Variants in FAM228B observed in about 807,000 individuals in gnomAD.
The protein encoded by FAM228B is family with sequence similarity 228 member B, also known as protein FAM228B.
A neutral mutation model predicts 42.6 loss-of-function variants in FAM228B; 38 were observed. That is an observed-to-expected ratio of 0.89 (90% confidence interval 0.69 to 1.17). The LOEUF (loss-of-function observed/expected upper bound fraction) is 1.17. Ranked by LOEUF, FAM228B falls within the 50% of genes most tolerant of loss-of-function variation. The pLI is 0.00. For synonymous variants in FAM228B, 109 were observed against 122.3 expected, an observed-to-expected ratio of 0.89 and a Z score of 0.72; for missense variants, 344 against 367.3, an observed-to-expected ratio of 0.94 and a Z score of 0.52.
intron 5 of FAM228B, 103 bp downstream of exon 5, chr2:24,139,553 A>T: frequency 1.8e-6 from 1 of 558,860 alleles, no homozygotes; most frequent in Middle Eastern, 2.8e-4. Context: ...AAAGTGCAGT[A>T]ACATTTTAAG....
intron 3 of FAM228B, 134 bp from the exon 4 acceptor site, chr2:24,137,775 A>T: frequency 1.6e-6 from 1 of 612,142 alleles, no homozygotes; most frequent in South Asian, 2.3e-5. Flanking sequence ...AGCCAAAGAA[A>T]CGATTGAATT....
In FAM228B at chr2:24,078,217, C is replaced by G. The variant is rs148806187; in HGVS notation, c.-290+1248C>G. ...CCCCATATATCTCCTAGTGACTTCC[C>G]TAGAAATTTACTATCCCTAGCCAGA... On this transcript the variant is annotated intron_variant, in intron 1 of 10. Coordinates refer to the FAM228B transcript ENST00000613899. Among the ~76,000 whole-genome samples the G allele has an allele frequency of 6.9e-3, 1,047 of 152,236 alleles. 13 individuals are homozygous for G. The highest frequency in any genetic ancestry group is 0.024 in the African/African-American group (1,007 of 41,536).
chr2:24,156,336 T>C (rs970302228), intron 7 of FAM228B, among the ~76,000 whole-genome samples: 1 of 152,102 alleles, frequency 6.6e-6, no homozygotes, highest in Non-Finnish European at 1.5e-5. Flanking sequence ...AATCTCCTTC[T>C]AATTTGCCCC....
chr2:24,122,469 G>A (rs1208853872), upstream of FAM228B: 1 of 1,614,152 alleles, frequency 6.2e-7, no homozygotes, highest in East Asian at 2.2e-5. Flanking sequence ...ATTTTGATGA[G>A]GGCTGCACTG....
rs1446590190 is a variant in FAM228B at position 24,140,569 on chromosome 2, CTAAG to C, written c.441+1124_441+1127del. ...ATTGCATCACAAACACCAGTTTTTT[CTAAG>C]TAAGAAACCTAAAATCTTCTCTCTC... is the stretch of plus-strand genomic sequence containing the variant. On this transcript the variant is annotated intron_variant, in intron 5 of 10. Transcript: ENST00000615575. Among the ~76,000 whole-genome samples, 7 of 152,234 alleles carry C rather than the reference CTAAG, an allele frequency of 4.6e-5. No individual in the cohort carries two copies. In the South Asian group the frequency reaches 6.2e-4, roughly 14 times the overall value.
chr2:24,105,040 T>A (rs1486213696), intron 3 of FAM228B, among the ~76,000 whole-genome samples: 2 of 152,252 alleles, frequency 1.3e-5, no homozygotes, highest in Non-Finnish European at 2.9e-5. Context: ...CGCAGCCTCC[T>A]GTTGCACTGG....
At chr2:24,132,701 A>G (rs1400373521) in intron 2 of FAM228B, among the ~76,000 whole-genome samples, 1 of 151,754 alleles carries the variant, frequency 6.6e-6, no homozygotes, top group Non-Finnish European at 1.5e-5. Context: ...GTTTCTTTAT[A>G]TATCTAGTAA....
At chr2:24,124,490 A>T in intron 2 of FAM228B, 30 bp downstream of exon 2, 1 of 1,422,262 alleles carries the variant, frequency 7.0e-7, no homozygotes, top group South Asian at 1.3e-5. Flanking sequence ...GGATTTGGAG[A>T]TTTTTTTACT....
chr2:24,110,574 G>A (rs946681121), intron 3 of FAM228B, among the ~76,000 whole-genome samples: 1 of 152,228 alleles, frequency 6.6e-6, no homozygotes, highest in Non-Finnish European at 1.5e-5. Context: ...CTTCTGGGCT[G>A]GCGAACACCT....
chr2:24,169,379 A>G lies in FAM228B; in HGVS notation c.*38A>G. The stretch of plus-strand genomic sequence containing the variant: ...AGGTTTCAGCAACCAAGGAGCACAC[A>G]CCCTGATCCTTGATTGGTGAAAGGA... On this transcript the variant is annotated 3_prime_UTR_variant, in exon 11 of 11. Transcript: ENST00000615575. The surrounding 1 kb of genome is among the most constrained non-coding windows in gnomAD (Gnocchi z 4.2). The G allele has an allele frequency of 2.1e-6, 1 of 467,110 alleles. No individual in the cohort carries two copies. The highest frequency in any genetic ancestry group is 1.6e-5 in the South Asian group (1 of 64,228). 28.9% of individuals were successfully genotyped at this position (467,110 alleles called of 1,614,324 possible). A position where few individuals can be genotyped will look rare whatever the true frequency, so the allele number is the denominator to read the frequency against.
intron 4 of FAM228B, 46 bp from the exon 5 acceptor site, chr2:24,139,324 C>A: frequency 8.6e-7 from 1 of 1,158,328 alleles, no homozygotes; most frequent in Non-Finnish European, 1.2e-6. Flanking sequence ...TCAAAATTAA[C>A]TGTGCACCTC....
At chr2:24,131,939 C>A (rs1454479779) in intron 2 of FAM228B, among the ~76,000 whole-genome samples, 2 of 152,092 alleles carry the variant, frequency 1.3e-5, no homozygotes, top group East Asian at 3.9e-4. Flanking sequence ...CAGCTTTTGC[C>A]CATTCAGTAT....
rs1667336610 is a variant in FAM228B, at chr2:24,163,819, G to A, written c.795-379G>A. Among the ~76,000 whole-genome samples, 3 of 152,290 alleles carry A rather than the reference G, an allele frequency of 2.0e-5. No individual in the cohort carries two copies. The South Asian group carries it at 6.2e-4, about 32-fold the overall frequency. ...TCTAGGCTCACTCTAGAAGAAAGAG[G>A]AAGACTGGATTCTCTTCCATGAATA... On this transcript the variant is annotated intron_variant, in intron 8 of 10. Transcript: ENST00000615575.
intron 3 of FAM228B, among the ~76,000 whole-genome samples, chr2:24,099,164 C>T (rs1038672533): frequency 6.7e-6 from 1 of 148,440 alleles, no homozygotes; most frequent in Non-Finnish European, 1.5e-5. Flanking sequence ...TGACAACCCC[C>T]AGCCAATATC....
chr2:24,135,241 T>C (rs564355132), intron 3 of FAM228B, 54 bp downstream of exon 3: 1 of 995,558 alleles, frequency 1.0e-6, no homozygotes, highest in African/African-American at 1.7e-5. Flanking sequence ...TAGTTTTTCC[T>C]TTTTATATGT....
rs766633828 is a variant in FAM228B at position 24,161,548 on chromosome 2, G to C, written c.729G>C (p.Leu243Phe). ...ATTTTAATGACTGTAGTTTTGATTT[G>C]AAACCTTTGGCAAGAGCTCCTTATC... The part of the protein sequence containing the change: ...KVNFNDCSFD[L>F]KPLARAPYLL... Residue 243 changes from leucine to phenylalanine, a missense_variant, in exon 8 of 11, where the codon TTG becomes TTC. Transcript: ENST00000615575. The C allele has an allele frequency of 3.9e-5, 61 of 1,548,268 alleles. No individual in the cohort carries two copies. Among genetic ancestry groups the C allele is most frequent in the Non-Finnish European group, 4.9e-5 (56 of 1,143,952 alleles).
chr2:24,144,857 G>A (rs545424773), intron 5 of FAM228B, among the ~76,000 whole-genome samples: 4 of 152,142 alleles, frequency 2.6e-5, no homozygotes, highest in East Asian at 3.9e-4. Flanking sequence ...ACCCCCACCC[G>A]AGTACTCTGC....
intron 5 of FAM228B, among the ~76,000 whole-genome samples, chr2:24,144,765 T>C (rs113870566): frequency 6.6e-6 from 1 of 151,948 alleles, no homozygotes; most frequent in African/African-American, 2.4e-5. Flanking sequence ...AAACATACAC[T>C]CCCTAACTGC....
At chr2:24,136,042 G>T (rs1573767057) in intron 3 of FAM228B, among the ~76,000 whole-genome samples, 2 of 104,524 alleles carry the variant, frequency 1.9e-5, no homozygotes, top group African/African-American at 3.6e-5. Flanking sequence ...TTCTCTTCCT[G>T]GATAACCCTT....
Sources: gnomAD v4.1 joint callset for allele counts (sites outside exome capture counted in the v4.1 genomes callset) on GRCh38, gnomAD v4.1.1 for gene constraint, Gnocchi (gnomAD v3.1) non-coding constraint, MANE v1.5 for transcripts, NCBI Gene and HGNC (gene_info 2026-07-23, HGNC 2026-07-21) for gene names.